The following BMPER variants were observed in gnomAD, a reference collection of about 807,000 sequenced individuals.
The protein encoded by BMPER is BMP-binding endothelial regulator protein.
In BMPER, 45 loss-of-function variants were observed where a neutral mutation model predicts 87.3. The ratio of observed to expected loss-of-function variants is 0.52; its 90% CI spans 0.41 to 0.66. The LOEUF is 0.66. BMPER is among the 30% of genes least tolerant of loss of function. The pLI, the probability that BMPER is intolerant of heterozygous loss-of-function variation, is 0.00. For missense variants in BMPER, 784 were observed against 867.5 expected, an observed-to-expected ratio of 0.90 and a Z score of 1.21; for synonymous variants, 326 against 316.2, an observed-to-expected ratio of 1.03 and a Z score of -0.33.
At chr7:34,055,079 A>G (rs1788246527) in intron 8 of BMPER, 84 bp from the exon 9 acceptor site, 1 of 1,568,310 alleles carries the variant, frequency 6.4e-7, no homozygotes, top group African/African-American at 1.3e-5. Flanking sequence ...ACAGATAGTT[A>G]TGAGTTATGA....
chr7:34,092,584 C>A (rs749508922), intron 13 of BMPER, among the ~76,000 whole-genome samples: 25 of 152,194 alleles, frequency 1.6e-4, no homozygotes, highest in Non-Finnish European at 1.2e-4. Context: ...AGCCTTCTGT[C>A]AGGCTGGACT....
At chr7:33,992,313 C>CA (rs1786245719) in intron 6 of BMPER, among the ~76,000 whole-genome samples, 1 of 137,432 alleles carries the variant, frequency 7.3e-6, no homozygotes. Flanking sequence ...GTATTGGGTG[C>CA]ATATATATTT....
chr7:33,920,424 T>TG (rs1046519644), intron 2 of BMPER, among the ~76,000 whole-genome samples: 1 of 135,830 alleles, frequency 7.4e-6, no homozygotes, highest in Non-Finnish European at 1.6e-5. Context: ...CGTTGTGTTT[T>TG]TTTTTTTTTT....
intron 13 of BMPER, 32 bp downstream of exon 13, chr7:34,086,124 G>C (rs369801938): frequency 7.5e-6 from 12 of 1,602,438 alleles, no homozygotes; most frequent in Non-Finnish European, 1.0e-5. Context: ...ATGGTTTTGG[G>C]TTGCAGACCA....
chr7:34,136,075 C>A (rs1023389875), intron 13 of BMPER, among the ~76,000 whole-genome samples: 2 of 152,312 alleles, frequency 1.3e-5, no homozygotes, highest in Admixed American at 1.3e-4. Context: ...CTGGAATATT[C>A]TCAACAATAT....
chr7:34,010,435 G>A (rs963456916), intron 6 of BMPER, among the ~76,000 whole-genome samples: 2 of 151,824 alleles, frequency 1.3e-5, no homozygotes, highest in African/African-American at 4.8e-5. Flanking sequence ...AGGGAACATT[G>A]CCATTTTCCA....
chr7:33,921,987 A>G (rs1161152216), intron 2 of BMPER: 2 of 390,680 alleles, frequency 5.1e-6, no homozygotes, highest in African/African-American at 4.2e-5. Context: ...ACTTACAGCC[A>G]GCAGGTCCCT....
At chr7:33,915,319 T>G (rs1367235258) in intron 2 of BMPER, among the ~76,000 whole-genome samples, 1 of 152,232 alleles carries the variant, frequency 6.6e-6, no homozygotes, top group Non-Finnish European at 1.5e-5. Flanking sequence ...GTCTGACTAA[T>G]ATAAAAACTT....
intron 9 of BMPER, among the ~76,000 whole-genome samples, chr7:34,057,054 G>C (rs1788305674): frequency 6.6e-6 from 1 of 152,174 alleles, no homozygotes; most frequent in Non-Finnish European, 1.5e-5. Flanking sequence ...GGCAGATTCA[G>C]TTAGGTCTTT....
intron 3 of BMPER, among the ~76,000 whole-genome samples, chr7:33,951,023 ATCT>A (rs898584072): frequency 5.5e-5 from 8 of 146,102 alleles, no homozygotes; most frequent in African/African-American, 2.0e-4. Context: ...CTGTCTCCCC[ATCT>A]TCTTCTGCAC....
intron 12 of BMPER, among the ~76,000 whole-genome samples, chr7:34,084,043 C>T (rs1054188148): frequency 2.7e-5 from 4 of 150,882 alleles, no homozygotes; most frequent in African/African-American, 9.8e-5. Flanking sequence ...GTGGCTCACG[C>T]CTGTAATCCC....
chr7:34,020,778 T>C (rs1237638909), intron 6 of BMPER, among the ~76,000 whole-genome samples: 2 of 151,438 alleles, frequency 1.3e-5, no homozygotes, highest in African/African-American at 4.9e-5. Flanking sequence ...GTGGACAAAA[T>C]AAGGATAGGG....
At chr7:34,058,250 A>G in intron 10 of BMPER, 87 bp downstream of exon 10, 2 of 1,233,610 alleles carry the variant, frequency 1.6e-6, no homozygotes, top group Middle Eastern at 2.5e-4. Context: ...TTCCGAACAC[A>G]GACTCCAGCT....
intron 6 of BMPER, among the ~76,000 whole-genome samples, chr7:34,005,055 T>C (rs1786688275): frequency 1.3e-5 from 2 of 152,258 alleles, no homozygotes; most frequent in Admixed American, 1.3e-4. Flanking sequence ...TTACCACTGA[T>C]AGTTTTTAAC....
intron 12 of BMPER, among the ~76,000 whole-genome samples, chr7:34,084,869 C>T (rs915439508): frequency 6.6e-6 from 1 of 152,216 alleles, no homozygotes; most frequent in Admixed American, 6.5e-5. Flanking sequence ...TGCATACTTT[C>T]AGATAATTTC....
chr7:34,081,893 C>G (rs1449797587), intron 12 of BMPER, among the ~76,000 whole-genome samples: 1 of 152,106 alleles, frequency 6.6e-6, no homozygotes, highest in Non-Finnish European at 1.5e-5. Flanking sequence ...TTTGCACGTT[C>G]TCTCTCAGTG....
chr7:33,973,893 A>T (rs1202545817), intron 5 of BMPER, among the ~76,000 whole-genome samples: 3 of 151,918 alleles, frequency 2.0e-5, no homozygotes, highest in African/African-American at 4.8e-5. Context: ...GCCATTTATG[A>T]CCTCTCTTTG....
At chr7:34,088,693 C>T (rs1315440657) in intron 13 of BMPER, among the ~76,000 whole-genome samples, 2 of 152,274 alleles carry the variant, frequency 1.3e-5, no homozygotes, top group South Asian at 2.1e-4. Flanking sequence ...GGACTGAGGC[C>T]AGTGGAGGGT....
chr7:34,024,385 ATATATATAT>A (rs1562695215), intron 6 of BMPER, among the ~76,000 whole-genome samples: 10 of 3,752 alleles, frequency 2.7e-3, no homozygotes, highest in African/African-American at 4.2e-3. Flanking sequence ...AAAAAAAACA[ATATATATAT>A]ATATATATAT....
Sources: gnomAD v4.1 joint callset for allele counts (sites outside exome capture counted in the v4.1 genomes callset) on GRCh38, gnomAD v4.1.1 for gene constraint, MANE v1.5 for transcripts, NCBI Gene and HGNC (gene_info 2026-07-23, HGNC 2026-07-21) for gene names.